The following DTX1 variants were observed in gnomAD, a reference collection of about 807,000 sequenced individuals.
DTX1 encodes deltex E3 ubiquitin ligase 1.
Under a neutral mutation model 57.8 loss-of-function variants are expected in DTX1, and 26 were observed. That is an observed-to-expected ratio of 0.45 (90% CI 0.33 to 0.62). The LOEUF is 0.62. Among genes scored for constraint, DTX1 ranks in the 20% least tolerant of loss-of-function variants. The pLI is 0.02. For missense variants in DTX1, 704 were observed against 895.3 expected, an observed-to-expected ratio of 0.79 and a Z score of 2.73; for synonymous variants, 398 against 394.1, an observed-to-expected ratio of 1.01 and a Z score of -0.12.
chr12:113,064,380 T>G (rs185468961), intron 2 of DTX1, among the ~76,000 whole-genome samples: 1 of 152,328 alleles, frequency 6.6e-6, no homozygotes, highest in Non-Finnish European at 1.5e-5. Context: ...TGAAACTAAA[T>G]TCATCGCTCG....
chr12:113,094,147 G>T, intron 6 of DTX1, 48 bp downstream of exon 6: 8 of 1,503,546 alleles, frequency 5.3e-6, no homozygotes, highest in Non-Finnish European at 7.2e-6. Flanking sequence ...CATGGAGGGG[G>T]CAGGAACCCT....
chr12:113,057,942 A>G lies in DTX1; in HGVS notation c.-251A>G. On this transcript the variant is annotated 5_prime_UTR_variant, in exon 2 of 10. Coordinates refer to ENST00000548759, the MANE Select transcript of DTX1 (RefSeq NM_004416.3). ...AGCTGTTTCCTCCGGCATAAGAGAG[A>G]CACTTGCTTTCCAGGGCAGCACCCT... The G allele has an allele frequency of 1.7e-6, 1 of 581,084 alleles. No homozygotes were observed. The highest frequency in any genetic ancestry group is 2.9e-6 in the Non-Finnish European group (1 of 343,626). 36.0% of individuals were successfully genotyped at this position (581,084 alleles called of 1,614,324 possible). A position where few individuals can be genotyped will look rare whatever the true frequency, so the allele number is the denominator to read the frequency against.
chr12:113,079,849 A>G (rs2044804059), intron 3 of DTX1, among the ~76,000 whole-genome samples: 1 of 152,064 alleles, frequency 6.6e-6, no homozygotes. Context: ...ATGAGCCACC[A>G]TGCCCGGCCC....
intron 2 of DTX1, among the ~76,000 whole-genome samples, chr12:113,074,067 C>CT (rs2044754087): frequency 6.7e-6 from 1 of 149,448 alleles, no homozygotes; most frequent in Non-Finnish European, 1.5e-5. Context: ...CCCGTCTCTA[C>CT]GAAAAATACA....
intron 6 of DTX1, 38 bp downstream of exon 6, chr12:113,094,137 C>T: frequency 6.9e-7 from 1 of 1,448,590 alleles, no homozygotes; most frequent in Non-Finnish European, 9.5e-7. Flanking sequence ...AGGGCCCTGG[C>T]ATGGAGGGGG....
Position 113,096,922 on chromosome 12 carries a change from G to C in DTX1, c.1846G>C (p.Ala616Pro), listed in dbSNP as rs774220510. The stretch of plus-strand genomic sequence containing the variant: ...GCTCACAGCCCAGGGCGTATCCGAG[G>C]CTGCAGCCAAGGCTTGAGGCCCAAG... ...AELTAQGVSE[A>P]AAKA Residue 616 changes from alanine (A) to proline (P), a missense_variant, in exon 10 of 10, where the codon GCT (alanine) becomes CCT (proline). This residue lies in a region of DTX1 where 168 missense variants were observed against 255.6 expected (regional missense o/e 0.66). Transcript: ENST00000548759. 1.9e-6 allele frequency: 3 copies of C among 1,611,502 alleles called. No individual in the cohort carries two copies. The highest frequency in any genetic ancestry group is 2.5e-6 in the Non-Finnish European group (3 of 1,179,842).
At chr12:113,082,356 G>A (rs1442183145) in intron 3 of DTX1, among the ~76,000 whole-genome samples, 17 of 152,298 alleles carry the variant, frequency 1.1e-4, no homozygotes, top group Admixed American at 9.8e-4. Context: ...CTCAAGACCC[G>A]TGGAGCCTGT....
At chr12:113,070,426 C>A (rs2044730994) in intron 2 of DTX1, among the ~76,000 whole-genome samples, 1 of 152,218 alleles carries the variant, frequency 6.6e-6, no homozygotes, top group Admixed American at 6.5e-5. Flanking sequence ...AAACTGAGAT[C>A]ACTTCCCTCC....
intron 2 of DTX1, 58 bp downstream of exon 2, chr12:113,058,509 G>C (rs556497776): frequency 1.4e-5 from 21 of 1,534,912 alleles, no homozygotes; most frequent in Non-Finnish European, 1.7e-5. Flanking sequence ...ACCTTGCAGC[G>C]TAGGATGCTG....
Position 113,093,333 on chromosome 12 carries a change from G to A in DTX1, c.1003+110G>A. 7.1e-7 allele frequency: 1 copy of A among 1,400,724 alleles called. No homozygotes were observed. Among genetic ancestry groups the A allele is most frequent in the African/African-American group, 1.4e-5 (1 of 69,348 alleles). 86.8% of individuals were successfully genotyped at this position (1,400,724 alleles called of 1,614,324 possible). On this transcript the variant is annotated intron_variant, in intron 4 of 9. Coordinates refer to ENST00000548759, the MANE Select transcript of DTX1 (RefSeq NM_004416.3). This position sits in a 1 kb window ranked among gnomAD's most constrained non-coding sequence, Gnocchi z 4.2. ...ATGGGCTGGTGAGCGTGGCCCGGAG[G>A]AAACGCCCCCTTCCACTGGGCCCAG... is the stretch of plus-strand genomic sequence containing the variant.
At chr12:113,092,741 T>C (rs76554565) in intron 3 of DTX1, among the ~76,000 whole-genome samples, 1 of 152,370 alleles carries the variant, frequency 6.6e-6, no homozygotes, top group East Asian at 1.9e-4. Context: ...ACTTGATTCC[T>C]GAATCCTTCT....
rs781104104 is a variant in DTX1, at chr12:113,093,176, C to T, written c.956C>T (p.Pro319Leu). The change falls in exon 4 of 10, where the codon CCG becomes CTG. Residue 319 changes from proline to leucine, a missense_variant. Physicochemically the swap from Pro to Leu is moderately conservative, Grantham distance 98 (BLOSUM62 -3). This residue lies in a region of DTX1 where 299 missense variants were observed against 311.2 expected (regional missense o/e 0.96). Coordinates refer to ENST00000548759, the MANE Select transcript of DTX1 (RefSeq NM_004416.3). This position sits in a 1 kb window ranked among gnomAD's most constrained non-coding sequence, Gnocchi z 4.2. ...TCTCCCCGCAGGGTCCCCGCACTCC[C>T]GGTGAAGAACTTGAATGGTACTGGG... Reference protein sequence around the residue: ...ASIPPGVPALPVKNLNGTGPV... With the variant: ...ASIPPGVPALLVKNLNGTGPV... The T allele has an allele frequency of 3.1e-6, 5 of 1,599,268 alleles. No individual in the cohort carries two copies. The South Asian group carries it at 4.5e-5, about 14-fold the overall frequency.
At chr12:113,063,467 AT>A (rs2044680140) in intron 2 of DTX1, among the ~76,000 whole-genome samples, 1 of 152,210 alleles carries the variant, frequency 6.6e-6, no homozygotes, top group Non-Finnish European at 1.5e-5. Flanking sequence ...CCCTGGCCTC[AT>A]ATGACTGGAG....
intron 3 of DTX1, among the ~76,000 whole-genome samples, chr12:113,088,454 T>C (rs1365976589): frequency 2.0e-5 from 3 of 152,212 alleles, no homozygotes; most frequent in African/African-American, 7.2e-5. Flanking sequence ...GACCAGATCA[T>C]ACAGGGCCTG....
In DTX1 at chr12:113,058,419, T is replaced by C. The variant is rs1441972158; in HGVS notation, c.227T>C (p.Leu76Pro). The C allele has an allele frequency of 6.2e-7, 1 of 1,605,342 alleles. No individual in the cohort carries two copies. Among genetic ancestry groups the C allele is most frequent in the Admixed American group, 1.7e-5 (1 of 60,012 alleles). Residue 76 changes from leucine to proline, a missense_variant, in exon 2 of 10, where the codon CTG becomes CCG. Around this residue, in one of 3 missense-constraint regions of DTX1, gnomAD observed 237 missense variants for 328.6 expected, o/e 0.72. Coordinates refer to ENST00000548759, the MANE Select transcript of DTX1 (RefSeq NM_004416.3). ...DAQLVPYIID[L>P]QSMHQFRQDT... ...CAGCTTGTGCCCTACATCATCGACC[T>C]GCAGTCCATGCACCAGTTTCGCCAG... is the stretch of plus-strand genomic sequence containing the variant.
rs1489654894 is a variant in DTX1, at chr12:113,058,304, C to G, written c.112C>G (p.Arg38Gly). 6.2e-7 allele frequency: 1 copy of G among 1,613,542 alleles called. No individual in the cohort carries two copies. The highest frequency in any genetic ancestry group is 1.3e-5 in the African/African-American group (1 of 75,032). Residue 38 changes from arginine (R) to glycine (G), a missense_variant, in exon 2 of 10, where the codon CGG becomes GGG. Physicochemically the swap from Arg to Gly is moderately radical, Grantham distance 125. Coordinates refer to ENST00000548759, the MANE Select transcript of DTX1 (RefSeq NM_004416.3). ...WEWLNEHSRWRPYTATVCHHI... is the reference protein window; with the variant it reads ...WEWLNEHSRWGPYTATVCHHI... ...GTGGCTGAATGAGCACAGCCGCTGG[C>G]GGCCCTACACGGCCACCGTGTGCCA...
At chr12:113,087,529 A>C (rs1438464322) in intron 3 of DTX1, among the ~76,000 whole-genome samples, 1 of 152,034 alleles carries the variant, frequency 6.6e-6, no homozygotes, top group Non-Finnish European at 1.5e-5. Flanking sequence ...TATGAGGCAG[A>C]GACAGCCCTG....
rs139083094 is a variant in DTX1, at chr12:113,091,418, G to A, written c.942-1744G>A. Among the ~76,000 whole-genome samples the A allele has an allele frequency of 2.8e-4, 36 of 126,788 alleles. 3 individuals are homozygous for A. The South Asian group carries it at 5.1e-3, about 18-fold the overall frequency. 83.2% of individuals were successfully genotyped at this position (126,788 alleles called of 152,430 possible). On this transcript the variant is annotated intron_variant, in intron 3 of 9. Coordinates refer to ENST00000548759, the MANE Select transcript of DTX1 (RefSeq NM_004416.3). ...TGTTCCCCAAGTAGACGGATGGGGAGGGAGGCTCCCTGGTATCTGTGTGTC... is the reference window on the plus strand; with the variant it reads ...TGTTCCCCAAGTAGACGGATGGGGAAGGAGGCTCCCTGGTATCTGTGTGTC...
intron 3 of DTX1, among the ~76,000 whole-genome samples, chr12:113,091,354 G>A (rs1339843926): frequency 6.6e-6 from 1 of 152,108 alleles, no homozygotes; most frequent in Non-Finnish European, 1.5e-5. Flanking sequence ...GTGTATCCAT[G>A]TATATGTTCA....
Sources: gnomAD v4.1 joint callset for allele counts (sites outside exome capture counted in the v4.1 genomes callset) on GRCh38, gnomAD v4.1.1 for gene constraint, gnomAD v4.1.1 regional missense constraint, Gnocchi (gnomAD v3.1) non-coding constraint, MANE v1.5 for transcripts, NCBI Gene and HGNC (gene_info 2026-07-23, HGNC 2026-07-21) for gene names.